ATG7: variants seen among roughly 807,000 people sequenced by gnomAD.
ATG7 encodes ubiquitin-like modifier-activating enzyme ATG7.
ATG7 carries 70 observed loss-of-function variants against 82.4 expected under a neutral mutation model. The ratio of observed to expected loss-of-function variants is 0.85; its 90% CI spans 0.70 to 1.04. The LOEUF is 1.04. ATG7 is among the 50% of genes least tolerant of loss of function. The pLI, the probability that ATG7 is intolerant of heterozygous loss-of-function variation, is 0.00. For synonymous variants in ATG7, 287 were observed against 313.0 expected, an observed-to-expected ratio of 0.92 and a Z score of 0.88; for missense variants, 792 against 864.3, an observed-to-expected ratio of 0.92 and a Z score of 1.05.
chr3:11,275,823 C>A (rs923691568), intron 1 of ATG7, among the ~76,000 whole-genome samples: 5 of 152,132 alleles, frequency 3.3e-5, no homozygotes, highest in Non-Finnish European at 7.4e-5. Context: ...CCATCTCAGA[C>A]CGGCTTCAGA....
chr3:11,558,822 T>C (rs1156455648), downstream of ATG7: 9 of 1,610,386 alleles, frequency 5.6e-6, no homozygotes, highest in Non-Finnish European at 7.6e-6. Flanking sequence ...TCACAGGTGG[T>C]GGCAGCTGCA....
At chr3:11,502,984 A>G (rs1454947226) in intron 20 of ATG7, among the ~76,000 whole-genome samples, 1 of 152,216 alleles carries the variant, frequency 6.6e-6, no homozygotes, top group Non-Finnish European at 1.5e-5. Flanking sequence ...AGTAGCGTGT[A>G]TACCACTGAA....
chr3:11,326,466 T>C (rs780585390), intron 9 of ATG7, among the ~76,000 whole-genome samples: 19 of 152,028 alleles, frequency 1.2e-4, no homozygotes, highest in Admixed American at 3.3e-4. Flanking sequence ...GCCCGGCTAA[T>C]TTTTTGTATT....
Position 11,432,446 on chromosome 3 carries a change from G to T in ATG7, c.2079+5520G>T, listed in dbSNP as rs1398740957. Among the ~76,000 whole-genome samples the T allele has an allele frequency of 3.2e-5, 3 of 93,242 alleles. No individual in the cohort carries two copies. The East Asian group carries it at 1.3e-3, about 42-fold the overall frequency. 61.2% of individuals were successfully genotyped at this position (93,242 alleles called of 152,430 possible). The stretch of plus-strand genomic sequence containing the variant: ...GCCTTTGCTAATGTTACATTTTTAT[G>T]AAGAAGGAGCCTTGCATAAGAATGA... On this transcript the variant is annotated intron_variant, in intron 20 of 20. Transcript: ENST00000693202.
At chr3:11,562,285 C>G (rs1451959022), downstream of ATG7, among the ~76,000 whole-genome samples, 3 of 152,162 alleles carry the variant, frequency 2.0e-5, no homozygotes, top group African/African-American at 7.2e-5. Context: ...TCCTGAGCTG[C>G]TATCACAAAC....
chr3:11,496,346 T>C (rs2090834097), intron 20 of ATG7, among the ~76,000 whole-genome samples: 1 of 152,176 alleles, frequency 6.6e-6, no homozygotes, highest in South Asian at 2.1e-4. Flanking sequence ...GGAGATTGCT[T>C]GCATAAACTC....
At chr3:11,362,954 A>G (rs2076374626) in intron 17 of ATG7, 26 bp downstream of exon 17, 2 of 1,596,828 alleles carry the variant, frequency 1.3e-6, no homozygotes, top group Admixed American at 1.7e-5. Flanking sequence ...GGAGATGAGT[A>G]TTTAAACAAA....
chr3:11,357,431 A>C (rs1362308057), intron 14 of ATG7, among the ~76,000 whole-genome samples: 1 of 152,090 alleles, frequency 6.6e-6, no homozygotes, highest in East Asian at 1.9e-4. Context: ...TCTGTCCCAC[A>C]CTCTGACATC....
intron 19 of ATG7, among the ~76,000 whole-genome samples, chr3:11,407,410 C>A (rs575305108): frequency 6.6e-6 from 1 of 152,168 alleles, no homozygotes. Context: ...TCTGGCTCTT[C>A]CAGGCACACA....
intron 20 of ATG7, among the ~76,000 whole-genome samples, chr3:11,451,793 A>AC (rs1415808274): frequency 2.4e-5 from 3 of 126,718 alleles, no homozygotes; most frequent in Non-Finnish European, 4.9e-5. Flanking sequence ...CTCAAAAAAA[A>AC]AAAAAACAAA....
At chr3:11,431,373 C>T (rs770053761) in intron 20 of ATG7, among the ~76,000 whole-genome samples, 139 of 152,166 alleles carry the variant, frequency 9.1e-4, no homozygotes, top group Non-Finnish European at 1.9e-3. Context: ...TGCACTCCAG[C>T]CTGCAAGGGC....
At chr3:11,492,560 T>C (rs1024744047) in intron 20 of ATG7, among the ~76,000 whole-genome samples, 10 of 152,252 alleles carry the variant, frequency 6.6e-5, no homozygotes, top group African/African-American at 2.2e-4. Flanking sequence ...CTCAGTCCGT[T>C]GTGCTCAACT....
chr3:11,340,858 G>A (rs1953452970), intron 12 of ATG7, 123 bp downstream of exon 12: 1 of 748,984 alleles, frequency 1.3e-6, no homozygotes, highest in Admixed American at 2.7e-5. Flanking sequence ...GCTGCCGTGT[G>A]TTACTCTGCT....
chr3:11,528,825 C>CAA (rs11377789), intron 20 of ATG7, among the ~76,000 whole-genome samples: 1,466 of 88,450 alleles, frequency 0.017, 21 homozygotes, highest in Non-Finnish European at 0.022. Flanking sequence ...GACTCCATCT[C>CAA]AAAAAAAAAA....
intron 20 of ATG7, among the ~76,000 whole-genome samples, chr3:11,541,940 A>G (rs1277865979): frequency 6.6e-6 from 1 of 152,278 alleles, no homozygotes; most frequent in African/African-American, 2.4e-5. Context: ...CTTGAAAGAA[A>G]GCATGTGGGT....
chr3:11,488,354 G>C (rs1213536594), intron 20 of ATG7: 6 of 735,846 alleles, frequency 8.2e-6, no homozygotes, highest in East Asian at 4.3e-5. Context: ...GCTGCCTCCC[G>C]GGCGGCACTC....
Position 11,362,757 on chromosome 3 carries a change from G to T in ATG7, c.1684-56G>T. 3 of 1,426,744 alleles carry T rather than the reference G, an allele frequency of 2.1e-6. No homozygotes were observed. In the Admixed American group the frequency reaches 5.7e-5, roughly 27 times the overall value. 88.4% of individuals were successfully genotyped at this position (1,426,744 alleles called of 1,614,324 possible). On this transcript the variant is annotated intron_variant, in intron 16 of 20. Coordinates refer to ENST00000693202, the MANE Select transcript of ATG7 (RefSeq NM_001349232.2). ...CACAGAGGATTTCATACTTGAGACA[G>T]CTAGAGTTGAATGGAGTAGAACGTT...
At chr3:11,378,817 A>G (rs1275640198) in intron 18 of ATG7, among the ~76,000 whole-genome samples, 1 of 152,114 alleles carries the variant, frequency 6.6e-6, no homozygotes, top group Non-Finnish European at 1.5e-5. Flanking sequence ...TCCAAAACTC[A>G]AAAGAAGCCT....
chr3:11,501,921 C>T (rs920178152), intron 20 of ATG7, among the ~76,000 whole-genome samples: 9 of 152,144 alleles, frequency 5.9e-5, no homozygotes, highest in African/African-American at 2.2e-4. Flanking sequence ...AACTCCTGAC[C>T]TCAGTTGATC....
Sources: gnomAD v4.1 joint callset for allele counts (sites outside exome capture counted in the v4.1 genomes callset) on GRCh38, gnomAD v4.1.1 for gene constraint, MANE v1.5 for transcripts, NCBI Gene and HGNC (gene_info 2026-07-23, HGNC 2026-07-21) for gene names.